The following STK32C variants were observed in gnomAD, a reference collection of about 807,000 sequenced individuals.
STK32C encodes the protein serine/threonine-protein kinase 32C.
In STK32C, 31 loss-of-function variants were observed where a neutral mutation model predicts 56.5. The ratio of observed to expected loss-of-function variants is 0.55; its 90% CI spans 0.41 to 0.74. The LOEUF is 0.74. STK32C is among the 30% of genes least tolerant of loss of function. The pLI is 0.00. For missense variants in STK32C, 544 were observed against 676.9 expected (o/e 0.80, Z 2.18); for synonymous variants, 309 against 289.4 (o/e 1.07, Z -0.69).
intron 8 of STK32C, among the ~76,000 whole-genome samples, chr10:132,223,744 C>T (rs1013212832): frequency 1.1e-4 from 16 of 152,214 alleles, no homozygotes; most frequent in Non-Finnish European, 1.6e-4. Flanking sequence ...CGGGAGGCAG[C>T]CGGGCCCGTG....
chr10:132,265,743 G>A (rs1013235064), intron 1 of STK32C, among the ~76,000 whole-genome samples: 4 of 152,214 alleles, frequency 2.6e-5, no homozygotes, highest in African/African-American at 7.2e-5. Flanking sequence ...AGAAGCTCCC[G>A]AAGGCCAATG....
At chr10:132,221,448 ACACT>A (rs771582613) in intron 10 of STK32C, among the ~76,000 whole-genome samples, 8 of 136,550 alleles carry the variant, frequency 5.9e-5, no homozygotes, top group South Asian at 2.6e-4. Context: ...ATCCCTGCAC[ACACT>A]CACAACTGAC....
Position 132,307,319 on chromosome 10 carries a change from G to T in STK32C, c.262+253C>A. 3.0e-6 allele frequency: 1 copy of T among 335,686 alleles called. No individual in the cohort carries two copies. The allele number at this position is 335,686 out of a possible 1,614,324, so 20.8% of individuals were successfully genotyped here. ...GCAAGCCCGGAGACGCCACAGCCGCGGGGGACCCTCGCCCCGAGGGCCCGG... is the reference window on the plus strand; with the variant it reads ...GCAAGCCCGGAGACGCCACAGCCGCTGGGGACCCTCGCCCCGAGGGCCCGG... On this transcript the variant is annotated intron_variant, in intron 1 of 11. Transcript: ENST00000298630. The surrounding 1 kb of genome is among the most constrained non-coding windows in gnomAD (Gnocchi z 4.4).
At chr10:132,276,220 C>G (rs574473424) in intron 1 of STK32C, among the ~76,000 whole-genome samples, 2 of 152,328 alleles carry the variant, frequency 1.3e-5, no homozygotes, top group African/African-American at 4.8e-5. Context: ...AGCAGAAAAA[C>G]CATTTTCAAG....
chr10:132,321,688 G>A (rs183027605), downstream of STK32C, among the ~76,000 whole-genome samples: 122 of 152,252 alleles, frequency 8.0e-4, no homozygotes, highest in African/African-American at 2.7e-3. Context: ...AAAATTAGCC[G>A]GGTGTGGTGG....
In STK32C at chr10:132,246,069, G is replaced by C. The variant is rs186785778; in HGVS notation, c.263-114C>G. 7.5e-3 allele frequency: 8,088 copies of C among 1,081,032 alleles called. 48 individuals carry two copies. The highest frequency in any genetic ancestry group is 1.0e-2 in the Non-Finnish European group (7,105 of 712,704). 67.0% of individuals were successfully genotyped at this position (1,081,032 alleles called of 1,614,324 possible). On this transcript the variant is annotated intron_variant, in intron 1 of 11. Transcript: ENST00000298630. ...ACACTGCCCAGGGCCCCTCATCCTA[G>C]AAGAGGGTCGCCGTGGGGCGGGCCA... is the stretch of plus-strand genomic sequence containing the variant.
intron 1 of STK32C, among the ~76,000 whole-genome samples, chr10:132,299,775 C>T (rs1337297315): frequency 6.6e-6 from 1 of 152,220 alleles, no homozygotes; most frequent in Non-Finnish European, 1.5e-5. Context: ...AACAATGTGT[C>T]CCCTGGGCAC....
chr10:132,262,924 T>C (rs1029530755), intron 1 of STK32C, among the ~76,000 whole-genome samples: 44 of 141,456 alleles, frequency 3.1e-4, no homozygotes, highest in African/African-American at 9.8e-4. Context: ...ACGACTGTTA[T>C]TAAAAAGTCA....
chr10:132,330,964 A>G (rs7082370), intron 1 of STK32C, among the ~76,000 whole-genome samples: 54,349 of 149,932 alleles, frequency 0.36, 9,927 homozygotes, highest in Non-Finnish European at 0.4. Flanking sequence ...GCACTTTGGG[A>G]GGCCGAGGGG....
intron 10 of STK32C, among the ~76,000 whole-genome samples, chr10:132,221,849 G>A (rs2062675701): frequency 8.7e-6 from 1 of 115,202 alleles, no homozygotes; most frequent in Non-Finnish European, 2.0e-5. Flanking sequence ...GGGTGAGTGT[G>A]AGGGCTTCAC....
intron 8 of STK32C, 137 bp from the exon 9 acceptor site, chr10:132,223,123 G>A (rs924860991): frequency 2.0e-5 from 24 of 1,198,628 alleles, no homozygotes; most frequent in Middle Eastern, 2.9e-4. Context: ...TCAGGGCCAC[G>A]CGAGGAAGGG....
intron 1 of STK32C, among the ~76,000 whole-genome samples, chr10:132,289,310 C>A (rs2492650): frequency 0.91 from 138,228 of 152,292 alleles, 62,990 homozygotes; most frequent in East Asian, 1. Context: ...GGATAGACAA[C>A]GATTTCTTAG....
Position 132,222,656 on chromosome 10 carries a change from CCTG to C in STK32C, c.1233_1235del (p.Ser411del). 1 of 1,612,864 alleles carries C rather than the reference CCTG, an allele frequency of 6.2e-7. No homozygotes were observed. The highest frequency in any genetic ancestry group is 1.3e-5 in the African/African-American group (1 of 75,044). ...TGGCACTCACGGACTGGGAGCTGTCCCTGCTGTTGTCCCGGGACTTGTTCTTGG... is the reference window on the plus strand; with the variant it reads ...TGGCACTCACGGACTGGGAGCTGTCCCTGTTGTCCCGGGACTTGTTCTTGG... On this transcript the variant is annotated inframe_deletion, in exon 10 of 12. Transcript: ENST00000298630.
At position 132,207,951 on chromosome 10, in the gene STK32C, C is replaced by G; in HGVS notation, c.*59G>C. 2 of 1,268,120 alleles carry G rather than the reference C, an allele frequency of 1.6e-6. No homozygotes were observed. Among genetic ancestry groups the G allele is most frequent in the Non-Finnish European group, 2.0e-6 (2 of 1,001,146 alleles). 78.6% of individuals were successfully genotyped at this position (1,268,120 alleles called of 1,614,324 possible). A position where few individuals can be genotyped will look rare whatever the true frequency, so the allele number is the denominator to read the frequency against. On this transcript the variant is annotated 3_prime_UTR_variant, in exon 12 of 12. Transcript: ENST00000298630. The stretch of plus-strand genomic sequence containing the variant: ...ATGCCAGGCCTCGGCCCATGGCCCT[C>G]CCTCTGGCAGCCGAGTCTCCAAAGC...
intron 2 of STK32C, 33 bp downstream of exon 2, chr10:132,245,865 CCT>C (rs2063669735): frequency 6.2e-7 from 1 of 1,605,250 alleles, no homozygotes. Flanking sequence ...GCCCCTGCCC[CCT>C]CAGCCCAGTC....
At chr10:132,238,025 G>A (rs143010260) in intron 2 of STK32C, among the ~76,000 whole-genome samples, 1 of 152,206 alleles carries the variant, frequency 6.6e-6, no homozygotes, top group Middle Eastern at 3.4e-3. Flanking sequence ...CTCCAGCCCT[G>A]ACCCTCCCAG....
At chr10:132,301,183 G>A (rs548176696) in intron 1 of STK32C, among the ~76,000 whole-genome samples, 1 of 151,804 alleles carries the variant, frequency 6.6e-6, no homozygotes, top group East Asian at 1.9e-4. Context: ...AATCAGCTCT[G>A]AGCTTCCCAA....
At chr10:132,311,712 C>G (rs2066225909), upstream of STK32C, among the ~76,000 whole-genome samples, 1 of 152,222 alleles carries the variant, frequency 6.6e-6, no homozygotes, top group Admixed American at 6.5e-5. This position sits in a 1 kb window ranked among gnomAD's most constrained non-coding sequence, Gnocchi z 4.4. Context: ...CCACCATCAT[C>G]ACGTTGCCTT....
At chr10:132,242,823 C>T (rs962801402) in intron 2 of STK32C, among the ~76,000 whole-genome samples, 1 of 152,242 alleles carries the variant, frequency 6.6e-6, no homozygotes, top group African/African-American at 2.4e-5. Context: ...ACAGACCTGG[C>T]TCTCAGCCTC....
Sources: allele counts gnomAD v4.1 joint callset (sites outside exome capture counted in the v4.1 genomes callset), GRCh38; gene constraint gnomAD v4.1.1; non-coding constraint Gnocchi (gnomAD v3.1); transcripts MANE v1.5; gene names NCBI Gene and HGNC (gene_info 2026-07-23, HGNC 2026-07-21).